The following NCOA2 variants were observed in gnomAD, a reference collection of about 807,000 sequenced individuals.
The protein encoded by NCOA2 is nuclear receptor coactivator 2, also known as class E basic helix-loop-helix protein 75.
In NCOA2, 21 loss-of-function variants were observed where a neutral mutation model predicts 145.1. The observed-to-expected ratio is 0.14, with a 90% confidence interval of 0.10 to 0.21. The LOEUF is 0.21. Ranked by LOEUF, NCOA2 falls within the 10% of genes least tolerant of loss-of-function variation. NCOA2 has a pLI of 1.00. For missense variants in NCOA2, 1,472 were observed against 1,837.6 expected, an observed-to-expected ratio of 0.80 and a Z score of 3.64; for synonymous variants, 619 against 637.5, an observed-to-expected ratio of 0.97 and a Z score of 0.44.
At chr8:70,421,208 T>C in the NCOA2 span, among the ~76,000 whole-genome samples, 2 of 151,926 alleles carry the variant, frequency 1.3e-5, no homozygotes, top group South Asian at 2.1e-4. Flanking sequence ...AGAATCAAAG[T>C]TGACATGACA....
chr8:70,237,820 T>C (rs1194667385), intron 2 of NCOA2, among the ~76,000 whole-genome samples: 1 of 151,602 alleles, frequency 6.6e-6, no homozygotes, highest in African/African-American at 2.4e-5. Flanking sequence ...TACTACATAC[T>C]CTTCATAGCC....
chr8:70,240,845 C>T (rs185688737), intron 2 of NCOA2, among the ~76,000 whole-genome samples: 14 of 152,100 alleles, frequency 9.2e-5, no homozygotes, highest in South Asian at 4.1e-4. Context: ...CCTCAGAATT[C>T]GCCAGTTCAA....
At chr8:70,314,573 C>A (rs1391287730) in intron 1 of NCOA2, among the ~76,000 whole-genome samples, 1 of 151,984 alleles carries the variant, frequency 6.6e-6, no homozygotes, top group South Asian at 2.1e-4. Context: ...GAACAAAATC[C>A]CTGAAACATT....
chr8:70,159,732 A>G, intron 9 of NCOA2, 80 bp from the exon 10 acceptor site: 1 of 1,245,920 alleles, frequency 8.0e-7, no homozygotes, highest in South Asian at 1.6e-5. Flanking sequence ...TAATAAGAGT[A>G]ATCAACTTCA....
intron 6 of NCOA2, among the ~76,000 whole-genome samples, chr8:70,168,836 C>A (rs1010006161): frequency 2.0e-5 from 3 of 152,048 alleles, no homozygotes; most frequent in African/African-American, 7.2e-5. Context: ...CTGAAGAGAT[C>A]TGAAAATATT....
chr8:70,304,855 GC>G lies in NCOA2; in HGVS notation c.-76-8056del, dbSNP rs1272402088. ...AAAGAAAGTGGACCAGAAGTAACTAGCTTTTTTTTTTTTTTTTTTGAGACAG... is the reference window on the plus strand; with the variant it reads ...AAAGAAAGTGGACCAGAAGTAACTAGTTTTTTTTTTTTTTTTTTGAGACAG... On this transcript the variant is annotated intron_variant, in intron 1 of 22. Transcript: ENST00000452400. Among the ~76,000 whole-genome samples the G allele has an allele frequency of 2.2e-5, 3 of 139,080 alleles. No individual in the cohort carries two copies. In the East Asian group the frequency reaches 7.0e-4, roughly 33 times the overall value. The allele number at this position is 139,080 out of a possible 152,430, so 91.2% of individuals were successfully genotyped here. A position where few individuals can be genotyped will look rare whatever the true frequency, so the allele number is the denominator to read the frequency against.
chr8:70,338,316 T>G (rs1024738658), intron 1 of NCOA2, among the ~76,000 whole-genome samples: 1 of 152,060 alleles, frequency 6.6e-6, no homozygotes, highest in African/African-American at 2.4e-5. Flanking sequence ...AACACTTCCA[T>G]GCACATGAAA....
intron 1 of NCOA2, among the ~76,000 whole-genome samples, chr8:70,396,205 A>G (rs955599116): frequency 3.3e-5 from 5 of 152,260 alleles, no homozygotes; most frequent in African/African-American, 4.8e-5. Context: ...TTTTAAGGGC[A>G]TAAGAAGCCA....
At chr8:70,259,144 G>T (rs1371746280) in intron 2 of NCOA2, among the ~76,000 whole-genome samples, 1 of 152,118 alleles carries the variant, frequency 6.6e-6, no homozygotes, top group South Asian at 2.1e-4. Context: ...ACCCTCAAAG[G>T]TTTATTATCT....
chr8:70,420,776 C>CT, the NCOA2 span, among the ~76,000 whole-genome samples: 521 of 152,238 alleles, frequency 3.4e-3, 5 homozygotes, highest in African/African-American at 0.012. Flanking sequence ...TCCCGAGTAG[C>CT]TGGGACTACA....
At chr8:70,149,422 T>TA (rs1811507531) in intron 11 of NCOA2, among the ~76,000 whole-genome samples, 1 of 151,394 alleles carries the variant, frequency 6.6e-6, no homozygotes, top group Non-Finnish European at 1.5e-5. Context: ...TTGATTTTTT[T>TA]TTTTTTTAGA....
chr8:70,371,359 GAT>G (rs1338253679), intron 1 of NCOA2, among the ~76,000 whole-genome samples: 1 of 151,944 alleles, frequency 6.6e-6, no homozygotes, highest in East Asian at 1.9e-4. Flanking sequence ...AAATGGTTAA[GAT>G]AGTAAATTCT....
chr8:70,315,172 T>C (rs1010037298), intron 1 of NCOA2, among the ~76,000 whole-genome samples: 16 of 152,204 alleles, frequency 1.1e-4, no homozygotes, highest in African/African-American at 3.9e-4. Context: ...ACAAAAGTCA[T>C]TCTATGTTTG....
At chr8:70,317,471 A>G (rs1441887100) in intron 1 of NCOA2, among the ~76,000 whole-genome samples, 2 of 152,198 alleles carry the variant, frequency 1.3e-5, no homozygotes, top group Non-Finnish European at 2.9e-5. Flanking sequence ...TTAGGCTTTT[A>G]CCTCAGATTT....
rs374711882 is a variant in NCOA2 at position 70,162,760 on chromosome 8, C to T, written c.927G>A (p.Ala309=). ...AGGACACAGATTCTCCTTCATGCTG[C>T]GCATGGAACTTCTGAATACACCTTC... The part of the protein sequence containing the change: ...LVRRCIQKFH[A]QHEGESVSYA... Residue 309 remains alanine (A), a synonymous_variant, in exon 9 of 23, where the codon GCG becomes GCA. Coordinates refer to ENST00000452400, the MANE Select transcript of NCOA2 (RefSeq NM_006540.4). 23 of 1,613,714 alleles carry T rather than the reference C, an allele frequency of 1.4e-5. No individual in the cohort carries two copies. The highest frequency in any genetic ancestry group is 3.3e-4 in the Middle Eastern group (2 of 6,084).
chr8:70,249,139 T>C (rs1013964605), intron 2 of NCOA2, among the ~76,000 whole-genome samples: 1 of 152,148 alleles, frequency 6.6e-6, no homozygotes, highest in Non-Finnish European at 1.5e-5. Flanking sequence ...AGGGTGGGCC[T>C]GAGCTAACCA....
At chr8:70,220,913 A>G (rs991112646) in intron 2 of NCOA2, among the ~76,000 whole-genome samples, 4 of 152,220 alleles carry the variant, frequency 2.6e-5, no homozygotes, top group African/African-American at 9.6e-5. Flanking sequence ...AACTCCAAAC[A>G]TAATAAAGTG....
chr8:70,164,729 C>T (rs1327406556), intron 7 of NCOA2, among the ~76,000 whole-genome samples: 1 of 151,948 alleles, frequency 6.6e-6, no homozygotes, highest in Non-Finnish European at 1.5e-5. Flanking sequence ...TTCAACAAGA[C>T]TGAAATATCC....
chr8:70,338,896 A>G (rs1807874661), intron 1 of NCOA2, among the ~76,000 whole-genome samples: 1 of 152,148 alleles, frequency 6.6e-6, no homozygotes, highest in Non-Finnish European at 1.5e-5. Context: ...ATAAAATTCA[A>G]CATCCCTTCA....
Sources: gnomAD v4.1 joint callset for allele counts (sites outside exome capture counted in the v4.1 genomes callset) on GRCh38, gnomAD v4.1.1 for gene constraint, MANE v1.5 for transcripts, NCBI Gene and HGNC (gene_info 2026-07-23, HGNC 2026-07-21) for gene names.